Variants in CEP85L observed in about 807,000 individuals in gnomAD.
CEP85L encodes the protein centrosomal protein 85L, also known as centrosomal protein of 85 kDa-like.
In CEP85L, 60 loss-of-function variants were observed where a neutral mutation model predicts 100.3. The observed-to-expected ratio is 0.60, with a 90% confidence interval of 0.49 to 0.74. The LOEUF is 0.74. CEP85L is among the 30% of genes least tolerant of loss of function. The probability of loss-of-function intolerance (pLI) is 0.00; values close to 1 mark genes in which losing one functional copy is unlikely to be tolerated. For missense variants in CEP85L, 973 were observed against 936.2 expected, an observed-to-expected ratio of 1.04 and a Z score of -0.51; for synonymous variants, 319 against 322.7, an observed-to-expected ratio of 0.99 and a Z score of 0.12.
intron 1 of CEP85L, among the ~76,000 whole-genome samples, chr6:118,677,424 G>A (rs1389710567): frequency 6.6e-6 from 1 of 152,194 alleles, no homozygotes. Context: ...AGTTGGAGGA[G>A]TTGGGAATTG....
At chr6:118,502,457 C>T in intron 5 of CEP85L, 2 of 521,066 alleles carry the variant, frequency 3.8e-6, no homozygotes, top group South Asian at 1.6e-5. Context: ...ACGATGAAGG[C>T]CATACTAGGA....
chr6:118,539,142 T>C (rs1777765655), intron 3 of CEP85L, among the ~76,000 whole-genome samples: 1 of 152,160 alleles, frequency 6.6e-6, no homozygotes, highest in African/African-American at 2.4e-5. Flanking sequence ...TAACAACATA[T>C]ATTTAATCAA....
At chr6:118,484,230 C>A (rs1057162328) in intron 6 of CEP85L, among the ~76,000 whole-genome samples, 1 of 152,136 alleles carries the variant, frequency 6.6e-6, no homozygotes, top group African/African-American at 2.4e-5. Context: ...GTATGAGAAT[C>A]GCTTGAACTG....
In CEP85L at chr6:118,565,715, T is replaced by C. The variant is rs1218648244; in HGVS notation, c.834A>G (p.Leu278=). ...CACCTACTGCCTGTTGACCAAGCAT[T>C]AAATATTTTGGAGGTTCAAAAGCCT... ...SSEAFEPPKY[L]MLGQQAVGGV... Residue 278 remains leucine (L), a synonymous_variant, in exon 3 of 13, where the codon TTA becomes TTG. Coordinates refer to ENST00000368491, the MANE Select transcript of CEP85L (RefSeq NM_001042475.3). 6.2e-7 allele frequency: 1 copy of C among 1,614,162 alleles called. No homozygotes were observed. Among genetic ancestry groups the C allele is most frequent in the Admixed American group, 1.7e-5 (1 of 60,012 alleles).
intron 2 of CEP85L, among the ~76,000 whole-genome samples, chr6:118,631,993 C>T (rs1261166103): frequency 6.6e-6 from 1 of 152,012 alleles, no homozygotes; most frequent in Non-Finnish European, 1.5e-5. Context: ...ACTAGAGGGA[C>T]AATTTTCTTT....
chr6:118,512,591 T>C (rs1776033123), intron 4 of CEP85L, among the ~76,000 whole-genome samples: 1 of 152,126 alleles, frequency 6.6e-6, no homozygotes, highest in Admixed American at 6.6e-5. Flanking sequence ...GAGATGCTAC[T>C]AAATGTCTAC....
chr6:118,525,930 A>G (rs1399903483), intron 3 of CEP85L, among the ~76,000 whole-genome samples: 1 of 152,244 alleles, frequency 6.6e-6, no homozygotes, highest in Non-Finnish European at 1.5e-5. Flanking sequence ...AAGACCTTCA[A>G]AATAAACCAG....
Position 118,479,925 on chromosome 6 carries a change from A to G in CEP85L, c.1864-4T>C. ...CATCTTGTTGGCTGTCTATTATCTA[A>G]AACAAAATAAATACATCTGATTCAA... On this transcript the variant is annotated splice_region_variant and splice_polypyrimidine_tract_variant and intron_variant, in intron 9 of 12. Coordinates refer to ENST00000368491, the MANE Select transcript of CEP85L (RefSeq NM_001042475.3). 3 of 1,403,560 alleles carry G rather than the reference A, an allele frequency of 2.1e-6. No homozygotes were observed. The highest frequency in any genetic ancestry group is 1.5e-5 in the African/African-American group (1 of 68,194). 86.9% of individuals were successfully genotyped at this position (1,403,560 alleles called of 1,614,324 possible).
intron 9 of CEP85L, among the ~76,000 whole-genome samples, 154 bp from the exon 10 acceptor site, chr6:118,480,075 A>G (rs999840219): frequency 6.8e-6 from 1 of 147,362 alleles, no homozygotes; most frequent in African/African-American, 2.5e-5. Flanking sequence ...TGGGTCACAC[A>G]CGTATAAAAC....
At chr6:118,636,469 C>A (rs1300353702) in intron 1 of CEP85L, among the ~76,000 whole-genome samples, 3 of 152,180 alleles carry the variant, frequency 2.0e-5, no homozygotes, top group East Asian at 3.8e-4. Flanking sequence ...AACTCCTGGA[C>A]AATGTCAAAT....
rs148524387 is a variant in CEP85L at position 118,614,006 on chromosome 6, A to G, written c.232+18447T>C. On this transcript the variant is annotated intron_variant, in intron 2 of 12. Transcript: ENST00000368491. ...AACAAACTATAAACAAAATTCAGCA[A>G]TATATAAAAAGAATTATATACCATG... 4.2e-4 allele frequency among the ~76,000 whole-genome samples: 64 copies of G among 152,316 alleles called. 1 individual carries two copies. The East Asian group carries it at 0.011, about 26-fold the overall frequency.
chr6:118,555,488 C>T (rs145480872), intron 3 of CEP85L, among the ~76,000 whole-genome samples: 209 of 150,820 alleles, frequency 1.4e-3, no homozygotes, highest in Non-Finnish European at 1.6e-3. Flanking sequence ...TTTTCCAATC[C>T]ACTAGATCTA....
At chr6:118,484,348 C>T (rs1023353236) in intron 6 of CEP85L, among the ~76,000 whole-genome samples, 5 of 152,060 alleles carry the variant, frequency 3.3e-5, no homozygotes, top group Non-Finnish European at 5.9e-5. Context: ...AAGATTTACA[C>T]TTAAAAAAAT....
intron 10 of CEP85L, among the ~76,000 whole-genome samples, chr6:118,472,871 C>G (rs1184425618): frequency 1.3e-5 from 2 of 152,124 alleles, no homozygotes; most frequent in African/African-American, 2.4e-5. Flanking sequence ...CCTACAAGGT[C>G]TTTATAATGA....
intron 5 of CEP85L, among the ~76,000 whole-genome samples, chr6:118,506,160 C>T (rs750140427): frequency 2.6e-5 from 4 of 152,224 alleles, no homozygotes; most frequent in Admixed American, 6.5e-5. Context: ...GCGTATGGAA[C>T]GAATAGGATT....
chr6:118,677,784 C>A (rs1314043923), intron 1 of CEP85L, among the ~76,000 whole-genome samples: 1 of 152,170 alleles, frequency 6.6e-6, no homozygotes, highest in Non-Finnish European at 1.5e-5. Context: ...TTTACCATGC[C>A]CACCACCTAT....
chr6:118,501,789 G>T, intron 5 of CEP85L: 1 of 1,057,936 alleles, frequency 9.5e-7, no homozygotes, highest in Admixed American at 1.7e-5. Context: ...CACAGAGTGG[G>T]GAGGATGGAG....
chr6:118,580,886 G>A (rs948280244), intron 2 of CEP85L, among the ~76,000 whole-genome samples: 1 of 152,190 alleles, frequency 6.6e-6, no homozygotes, highest in Non-Finnish European at 1.5e-5. Flanking sequence ...GCAATCTCCT[G>A]AACAGAGGGT....
At chr6:118,470,215 T>C (rs555255293) in intron 11 of CEP85L, among the ~76,000 whole-genome samples, 12 of 152,138 alleles carry the variant, frequency 7.9e-5, no homozygotes, top group Admixed American at 2.0e-4. Flanking sequence ...AAAGGTAACT[T>C]TAATTAGCTT....
Sources: allele counts gnomAD v4.1 joint callset (sites outside exome capture counted in the v4.1 genomes callset), GRCh38; gene constraint gnomAD v4.1.1; transcripts MANE v1.5; gene names NCBI Gene and HGNC (gene_info 2026-07-23, HGNC 2026-07-21).